Variants in EYS observed in about 807,000 individuals in gnomAD.
The protein encoded by EYS is protein eyes shut homolog.
EYS carries 250 observed loss-of-function variants against 282.1 expected under a neutral mutation model. The ratio of observed to expected loss-of-function variants is 0.89; its 90% CI spans 0.80 to 0.98. The LOEUF is 0.98. Ranked by LOEUF, EYS falls within the 50% of genes least tolerant of loss-of-function variation. The probability of loss-of-function intolerance (pLI) is 0.00; values close to 1 mark genes in which losing one functional copy is unlikely to be tolerated. For missense variants in EYS, 4,016 were observed against 3,709.0 expected (o/e 1.08, Z -2.15); for synonymous variants, 1,355 against 1,282.9 (o/e 1.06, Z -1.20).
intron 35 of EYS, among the ~76,000 whole-genome samples, chr6:63,960,782 C>G (rs991360792): frequency 1.3e-5 from 2 of 152,156 alleles, no homozygotes; most frequent in African/African-American, 4.8e-5. Context: ...AAGGTATGTG[C>G]ATTTTATTTT....
chr6:65,291,497 T>C (rs1262321938), intron 12 of EYS, among the ~76,000 whole-genome samples: 3 of 151,532 alleles, frequency 2.0e-5, no homozygotes, highest in African/African-American at 7.3e-5. Flanking sequence ...ATTTATCTTA[T>C]TGATATACAC....
chr6:64,889,405 C>T (rs9345568), intron 18 of EYS, among the ~76,000 whole-genome samples: 118,120 of 151,750 alleles, frequency 0.78, 46,068 homozygotes, highest in South Asian at 0.8. Context: ...GATTCAGATT[C>T]TGACACCTAC....
At chr6:64,452,600 T>G (rs1253054156) in intron 26 of EYS, among the ~76,000 whole-genome samples, 1 of 152,146 alleles carries the variant, frequency 6.6e-6, no homozygotes, top group East Asian at 1.9e-4. Flanking sequence ...ACTACCTGAC[T>G]TCAAACTATA....
At chr6:65,043,209 A>G (rs1315639907) in intron 13 of EYS, among the ~76,000 whole-genome samples, 1 of 151,526 alleles carries the variant, frequency 6.6e-6, no homozygotes, top group African/African-American at 2.4e-5. Context: ...ATCATTTTTT[A>G]TGGGGAGAAA....
chr6:65,606,292 A>G (rs184065602), intron 2 of EYS, among the ~76,000 whole-genome samples: 67 of 151,934 alleles, frequency 4.4e-4, no homozygotes, highest in African/African-American at 1.6e-3. Context: ...ATCAAAGTAA[A>G]ACTATTTATT....
chr6:65,467,498 T>A (rs1467058844), intron 5 of EYS, among the ~76,000 whole-genome samples: 1 of 146,972 alleles, frequency 6.8e-6, no homozygotes. Context: ...TACACATGAC[T>A]ATTTAAACAC....
At chr6:65,591,344 C>T (rs1765226785) in intron 2 of EYS, among the ~76,000 whole-genome samples, 1 of 151,384 alleles carries the variant, frequency 6.6e-6, no homozygotes, top group Admixed American at 6.6e-5. Context: ...TTACTATATA[C>T]TTAATCTGTG....
intron 12 of EYS, among the ~76,000 whole-genome samples, chr6:65,227,928 C>T (rs959476456): frequency 1.1e-4 from 16 of 151,848 alleles, no homozygotes; most frequent in African/African-American, 2.9e-4. Flanking sequence ...GGGAAATAGG[C>T]GACTATTGTT....
chr6:64,199,717 A>G (rs1765404141), intron 31 of EYS, among the ~76,000 whole-genome samples: 1 of 147,282 alleles, frequency 6.8e-6, no homozygotes, highest in Non-Finnish European at 1.5e-5. Context: ...CAAAGAACTT[A>G]AACAAATTTA....
chr6:64,893,320 A>G (rs1767348124), intron 18 of EYS, among the ~76,000 whole-genome samples: 1 of 152,074 alleles, frequency 6.6e-6, no homozygotes, highest in African/African-American at 2.4e-5. Context: ...TGCAGGCCAC[A>G]GTTTCAATAA....
chr6:64,676,268 G>A (rs1194565502), intron 22 of EYS, among the ~76,000 whole-genome samples: 8 of 146,528 alleles, frequency 5.5e-5, no homozygotes, highest in Non-Finnish European at 1.2e-4. Flanking sequence ...CATATGCAGT[G>A]GTACCCTAGA....
At chr6:64,769,998 T>C (rs1344653997) in intron 22 of EYS, among the ~76,000 whole-genome samples, 1 of 152,022 alleles carries the variant, frequency 6.6e-6, no homozygotes, top group African/African-American at 2.4e-5. Flanking sequence ...TTTATTATTG[T>C]TGGTAGAAAT....
At chr6:65,594,970 T>C (rs1455291413) in intron 2 of EYS, among the ~76,000 whole-genome samples, 1 of 152,056 alleles carries the variant, frequency 6.6e-6, no homozygotes, top group Non-Finnish European at 1.5e-5. Context: ...GATCAGGTGG[T>C]TGTAGATGTG....
intron 26 of EYS, among the ~76,000 whole-genome samples, chr6:64,493,476 A>G (rs775657337): frequency 2.0e-5 from 3 of 151,562 alleles, no homozygotes; most frequent in Non-Finnish European, 4.4e-5. Flanking sequence ...GGAACAATGA[A>G]TGCTTCGTTA....
At chr6:63,777,118 C>A (rs1388651393) in intron 40 of EYS, among the ~76,000 whole-genome samples, 1 of 152,138 alleles carries the variant, frequency 6.6e-6, no homozygotes, top group Non-Finnish European at 1.5e-5. Context: ...TCAAACTATA[C>A]ATTTTTTTTC....
intron 31 of EYS, among the ~76,000 whole-genome samples, chr6:64,124,627 G>T (rs2150276426): frequency 6.6e-6 from 1 of 152,250 alleles, no homozygotes; most frequent in South Asian, 2.1e-4. Context: ...CATGATTTAT[G>T]AATTATTTCA....
intron 22 of EYS, among the ~76,000 whole-genome samples, chr6:64,755,746 T>G (rs1772917717): frequency 2.0e-5 from 3 of 151,774 alleles, no homozygotes; most frequent in African/African-American, 7.3e-5. Context: ...CTCACAACAG[T>G]GGGAGGGTGA....
intron 5 of EYS, among the ~76,000 whole-genome samples, chr6:65,451,514 C>A (rs1037144720): frequency 6.6e-6 from 1 of 151,942 alleles, no homozygotes; most frequent in Non-Finnish European, 1.5e-5. Flanking sequence ...AATCACAGAT[C>A]CTTAAGAGTT....
chr6:65,594,516 G>A (rs1035674833), intron 2 of EYS, among the ~76,000 whole-genome samples: 2 of 151,822 alleles, frequency 1.3e-5, no homozygotes, highest in Admixed American at 1.3e-4. Context: ...ATATATATTT[G>A]TGTCTGTCTT....
Sources: allele counts gnomAD v4.1 joint callset (sites outside exome capture counted in the v4.1 genomes callset), GRCh38; gene constraint gnomAD v4.1.1; transcripts MANE v1.5; gene names NCBI Gene and HGNC (gene_info 2026-07-23, HGNC 2026-07-21).